The following CNTN4 variants were observed in gnomAD, a reference collection of about 807,000 sequenced individuals.
CNTN4 encodes the protein contactin 4.
A neutral mutation model predicts 122.5 loss-of-function variants in CNTN4; 77 were observed. The observed-to-expected ratio is 0.63, with a 90% CI of 0.52 to 0.76. The LOEUF is 0.76. Among genes scored for constraint, CNTN4 ranks in the 30% least tolerant of loss-of-function variants. The pLI is 0.00. For synonymous variants in CNTN4, 512 were observed against 447.0 expected (o/e 1.15, Z -1.83); for missense variants, 1,256 against 1,259.1 (o/e 1.00, Z 0.04).
intron 12 of CNTN4, among the ~76,000 whole-genome samples, chr3:2,912,623 T>C (rs1437013553): frequency 6.6e-6 from 1 of 152,228 alleles, no homozygotes; most frequent in Admixed American, 6.5e-5. Flanking sequence ...TATAAATCTA[T>C]GTTAATAACT....
At chr3:2,811,258 A>G (rs1405422503) in intron 6 of CNTN4, among the ~76,000 whole-genome samples, 1 of 151,040 alleles carries the variant, frequency 6.6e-6, no homozygotes, top group East Asian at 2.0e-4. Context: ...AAATACAAAA[A>G]TTAGCTGGGC....
At chr3:2,293,112 C>T (rs2042191835) in intron 2 of CNTN4, among the ~76,000 whole-genome samples, 1 of 127,614 alleles carries the variant, frequency 7.8e-6, no homozygotes, top group Admixed American at 7.9e-5. Context: ...TGCTATTGCA[C>T]TGTGGTTTAA....
intron 3 of CNTN4, among the ~76,000 whole-genome samples, chr3:2,416,257 TGATGTTTAATA>T (rs1285941962): frequency 6.6e-6 from 1 of 152,212 alleles, no homozygotes; most frequent in African/African-American, 2.4e-5. Flanking sequence ...TTCTTAAATT[TGATGTTTAATA>T]GATTGTGTCA....
In CNTN4 at chr3:3,005,280, A is replaced by G. The variant is rs138736854; in HGVS notation, c.1486+16808A>G. The stretch of plus-strand genomic sequence containing the variant: ...TTTTATTTTTGTCTTTGCAATATGG[A>G]TAGGCTGAGATTTTTTTCAAATGTT... On this transcript the variant is annotated intron_variant, in intron 14 of 24. Transcript: ENST00000418658. Among the ~76,000 whole-genome samples, 32 of 152,240 alleles carry G rather than the reference A, an allele frequency of 2.1e-4. 1 individual carries two copies. In the East Asian group the frequency reaches 6.2e-3, roughly 29 times the overall value.
chr3:2,899,718 T>A (rs985934147), intron 10 of CNTN4, among the ~76,000 whole-genome samples: 3 of 152,164 alleles, frequency 2.0e-5, no homozygotes, highest in Non-Finnish European at 4.4e-5. Flanking sequence ...AATGTGGGAA[T>A]TAAGTGCTAC....
At chr3:2,674,520 G>A (rs1236373341) in intron 4 of CNTN4, among the ~76,000 whole-genome samples, 1 of 152,214 alleles carries the variant, frequency 6.6e-6, no homozygotes, top group Non-Finnish European at 1.5e-5. Flanking sequence ...ACTTTGGGAG[G>A]CTGAGGCAGG....
chr3:2,545,285 T>A (rs901594018), intron 3 of CNTN4, among the ~76,000 whole-genome samples: 10 of 152,104 alleles, frequency 6.6e-5, no homozygotes, highest in African/African-American at 2.2e-4. Flanking sequence ...TGTCCAATTG[T>A]GTGGTCAAAT....
At chr3:2,526,282 A>G (rs1207536343) in intron 3 of CNTN4, among the ~76,000 whole-genome samples, 3 of 152,178 alleles carry the variant, frequency 2.0e-5, no homozygotes, top group Admixed American at 2.0e-4. Context: ...AGAATTATCA[A>G]AGTTAAAAGA....
intron 2 of CNTN4, among the ~76,000 whole-genome samples, chr3:2,120,599 C>T (rs964420263): frequency 1.7e-4 from 25 of 151,148 alleles, no homozygotes; most frequent in South Asian, 1.3e-3. Flanking sequence ...GAGGAGGGTT[C>T]TCCATGTTGA....
At chr3:2,810,122 A>T (rs2092569113) in intron 6 of CNTN4, among the ~76,000 whole-genome samples, 1 of 152,198 alleles carries the variant, frequency 6.6e-6, no homozygotes, top group South Asian at 2.1e-4. Context: ...GAAGTTATAT[A>T]TAGGGACTTC....
chr3:2,866,512 G>A (rs887213654), intron 7 of CNTN4: 28 of 1,316,448 alleles, frequency 2.1e-5, no homozygotes, highest in Admixed American at 3.1e-5. Flanking sequence ...GTTGGACATC[G>A]CTTAATCAGC....
intron 3 of CNTN4, among the ~76,000 whole-genome samples, chr3:2,507,818 C>T (rs1445774763): frequency 6.6e-6 from 1 of 151,180 alleles, no homozygotes; most frequent in Non-Finnish European, 1.5e-5. Context: ...TCAGTTCTCC[C>T]CCAAAAATTA....
At chr3:2,885,330 T>C (rs1054646002) in intron 9 of CNTN4, among the ~76,000 whole-genome samples, 5 of 152,210 alleles carry the variant, frequency 3.3e-5, no homozygotes, top group Non-Finnish European at 7.3e-5. Context: ...AGTAGGATGA[T>C]AGATGCCTTG....
chr3:3,011,268 A>G (rs868730564), intron 14 of CNTN4, among the ~76,000 whole-genome samples: 1 of 152,192 alleles, frequency 6.6e-6, no homozygotes, highest in Non-Finnish European at 1.5e-5. Flanking sequence ...GCTATGCCCC[A>G]TAAACTACTC....
intron 6 of CNTN4, among the ~76,000 whole-genome samples, chr3:2,763,035 G>A (rs1308799544): frequency 6.1e-5 from 9 of 148,612 alleles, no homozygotes; most frequent in South Asian, 4.3e-4. Context: ...TCCGCCTCCC[G>A]GGTTCATGCC....
At chr3:2,873,605 C>T (rs1216115006) in intron 8 of CNTN4, among the ~76,000 whole-genome samples, 1 of 152,210 alleles carries the variant, frequency 6.6e-6, no homozygotes, top group Non-Finnish European at 1.5e-5. Flanking sequence ...TATGGTCTTG[C>T]CAACTGGTCA....
chr3:2,792,537 T>C (rs1035487070), intron 6 of CNTN4, among the ~76,000 whole-genome samples: 1 of 152,238 alleles, frequency 6.6e-6, no homozygotes, highest in Non-Finnish European at 1.5e-5. Context: ...GCTGTGAGCT[T>C]CCTAAGCAAG....
intron 7 of CNTN4, among the ~76,000 whole-genome samples, chr3:2,831,099 G>C (rs1255554352): frequency 6.6e-6 from 1 of 152,122 alleles, no homozygotes; most frequent in East Asian, 1.9e-4. Flanking sequence ...AAAATAACTG[G>C]AAAAAGCCAA....
At chr3:2,352,135 A>G (rs943048439) in intron 3 of CNTN4, among the ~76,000 whole-genome samples, 1 of 152,186 alleles carries the variant, frequency 6.6e-6, no homozygotes, top group Non-Finnish European at 1.5e-5. Flanking sequence ...TCATGCCTGT[A>G]ATCCCAGCAC....
Sources: allele counts gnomAD v4.1 joint callset (sites outside exome capture counted in the v4.1 genomes callset), GRCh38; gene constraint gnomAD v4.1.1; transcripts MANE v1.5; gene names NCBI Gene and HGNC (gene_info 2026-07-23, HGNC 2026-07-21).